The following KCNIP4 variants were observed in gnomAD, a reference collection of about 807,000 sequenced individuals.
KCNIP4 encodes the protein Kv channel-interacting protein 4.
A neutral mutation model predicts 34.0 loss-of-function variants in KCNIP4; 12 were observed. That is an observed-to-expected ratio of 0.35 (90% CI 0.23 to 0.57). KCNIP4 has a LOEUF of 0.57. Ranked by LOEUF, KCNIP4 falls within the 20% of genes least tolerant of loss-of-function variation. The pLI, the probability that KCNIP4 is intolerant of heterozygous loss-of-function variation, is 0.83. For missense variants in KCNIP4, 238 were observed against 311.7 expected (o/e 0.76, Z 1.78); for synonymous variants, 124 against 102.2 (o/e 1.21, Z -1.29).
chr4:21,715,174 G>A (rs1016046505), intron 1 of KCNIP4, among the ~76,000 whole-genome samples: 5 of 150,464 alleles, frequency 3.3e-5, no homozygotes, highest in African/African-American at 7.4e-5. Context: ...TCCGCCTCCC[G>A]GGTTCACTCC....
At chr4:20,960,130 G>A (rs1018022020) in intron 1 of KCNIP4, among the ~76,000 whole-genome samples, 2 of 152,166 alleles carry the variant, frequency 1.3e-5, no homozygotes, top group Non-Finnish European at 2.9e-5. Flanking sequence ...CAGATAGTTA[G>A]GATGAAATGA....
chr4:20,846,655 C>A (rs1720422166), intron 3 of KCNIP4, among the ~76,000 whole-genome samples: 1 of 152,120 alleles, frequency 6.6e-6, no homozygotes, highest in Non-Finnish European at 1.5e-5. Context: ...CCAACCCCTA[C>A]ACACACATAC....
rs543391357 is a variant in KCNIP4 at position 21,744,295 on chromosome 4, C to T, written c.61+204276G>A. On this transcript the variant is annotated intron_variant, in intron 1 of 8. Coordinates refer to ENST00000382152, the MANE Select transcript of KCNIP4 (RefSeq NM_025221.6). ...AACTTAGCAAAGTCACCCTCTTGCC[C>T]TTCCAGTGAAGTCCTTTGTCTCTGT... Among the ~76,000 whole-genome samples the T allele has an allele frequency of 4.4e-3, 666 of 152,254 alleles. 3 individuals carry two copies. The highest frequency in any genetic ancestry group is 0.017 in the Middle Eastern group (5 of 294).
At chr4:21,856,842 T>C (rs1028450004) in intron 1 of KCNIP4, among the ~76,000 whole-genome samples, 1 of 152,078 alleles carries the variant, frequency 6.6e-6, no homozygotes, top group Non-Finnish European at 1.5e-5. Context: ...TGAGCCTGAG[T>C]GCTGTCACAA....
At chr4:21,013,688 C>T (rs971124521) in intron 1 of KCNIP4, among the ~76,000 whole-genome samples, 3 of 152,100 alleles carry the variant, frequency 2.0e-5, no homozygotes, top group Non-Finnish European at 2.9e-5. Context: ...TAAAGAGGAA[C>T]ACTGAATAAA....
chr4:21,534,277 T>C (rs1736971742), intron 1 of KCNIP4, among the ~76,000 whole-genome samples: 1 of 152,198 alleles, frequency 6.6e-6, no homozygotes, highest in Admixed American at 6.5e-5. Context: ...ATCGATGTTG[T>C]CTTTACAGAC....
chr4:21,408,760 G>A (rs556564539), intron 1 of KCNIP4, among the ~76,000 whole-genome samples: 1 of 152,194 alleles, frequency 6.6e-6, no homozygotes, highest in Non-Finnish European at 1.5e-5. Flanking sequence ...AGGAAGCCTG[G>A]TGTGATTCTC....
chr4:21,472,359 G>A (rs992490033), intron 1 of KCNIP4, among the ~76,000 whole-genome samples: 2 of 152,036 alleles, frequency 1.3e-5, no homozygotes, highest in Non-Finnish European at 2.9e-5. Context: ...CCATGAGAGA[G>A]AGGAAAGTCT....
chr4:21,648,758 G>A (rs1305147216), intron 1 of KCNIP4, among the ~76,000 whole-genome samples: 1 of 152,072 alleles, frequency 6.6e-6, no homozygotes, highest in Non-Finnish European at 1.5e-5. Context: ...GCAAAGTAGG[G>A]TTGTTTAGAA....
At chr4:21,407,582 G>A (rs545690474) in intron 1 of KCNIP4, among the ~76,000 whole-genome samples, 2 of 152,272 alleles carry the variant, frequency 1.3e-5, no homozygotes, top group East Asian at 1.9e-4. Flanking sequence ...CACTCAGGGT[G>A]AGAGCAGCTA....
At position 21,691,455 on chromosome 4, in the gene KCNIP4, T is replaced by C. The variant is rs574238107; in HGVS notation, c.61+257116A>G. ...GCTGGAGCATACACATTACCCCTTA[T>C]TGCTCCAATATAGAGTCACTTTATC... is the stretch of plus-strand genomic sequence containing the variant. On this transcript the variant is annotated intron_variant, in intron 1 of 8. Coordinates refer to ENST00000382152, the MANE Select transcript of KCNIP4 (RefSeq NM_025221.6). 4.7e-4 allele frequency among the ~76,000 whole-genome samples: 71 copies of C among 152,276 alleles called. No homozygotes were observed. In the South Asian group the frequency reaches 7.3e-3, roughly 16 times the overall value.
At chr4:20,892,507 T>C (rs1181022854) in intron 1 of KCNIP4, among the ~76,000 whole-genome samples, 1 of 152,196 alleles carries the variant, frequency 6.6e-6, no homozygotes, top group Non-Finnish European at 1.5e-5. Flanking sequence ...CTCTGTCTCA[T>C]TGTTCTACAT....
chr4:21,463,571 A>T (rs1729660561), intron 1 of KCNIP4, among the ~76,000 whole-genome samples: 1 of 152,180 alleles, frequency 6.6e-6, no homozygotes, highest in Non-Finnish European at 1.5e-5. Flanking sequence ...ATGTTGTAGC[A>T]TGTATTCGTA....
intron 2 of KCNIP4, among the ~76,000 whole-genome samples, chr4:20,862,628 T>C (rs1722325808): frequency 6.6e-6 from 1 of 152,164 alleles, no homozygotes; most frequent in Non-Finnish European, 1.5e-5. Flanking sequence ...ATAGATTTTC[T>C]CTTAGTTGTC....
chr4:21,807,114 A>T (rs13108475), intron 1 of KCNIP4, among the ~76,000 whole-genome samples: 57,219 of 151,800 alleles, frequency 0.38, 11,891 homozygotes, highest in East Asian at 0.65. Context: ...CTTCACATGC[A>T]CAGTTCACAC....
chr4:21,179,080 G>C (rs539061673), intron 1 of KCNIP4, among the ~76,000 whole-genome samples: 1 of 152,100 alleles, frequency 6.6e-6, no homozygotes, highest in Non-Finnish European at 1.5e-5. Flanking sequence ...GCCTCCCAAA[G>C]TGCTGTGATT....
At chr4:20,832,139 GCTAT>G (rs549613779) in intron 3 of KCNIP4, among the ~76,000 whole-genome samples, 1 of 151,936 alleles carries the variant, frequency 6.6e-6, no homozygotes, top group Non-Finnish European at 1.5e-5. Context: ...CAGAAATTAT[GCTAT>G]TTACTTTCTT....
In KCNIP4 at chr4:21,426,784, T is replaced by C. The variant is rs146445339; in HGVS notation, c.61+521787A>G. 1.6e-3 allele frequency among the ~76,000 whole-genome samples: 241 copies of C among 152,280 alleles called. 1 individual carries two copies. The highest frequency in any genetic ancestry group is 5.7e-3 in the African/African-American group (235 of 41,566). On this transcript the variant is annotated intron_variant, in intron 1 of 8. Transcript: ENST00000382152. ...ACATGTAAAAAAAAAAAATTAGTTT[T>C]AAGGCTTTTAATTTTTTCTCCATTG...
At chr4:21,520,216 C>T (rs1735407271) in intron 1 of KCNIP4, among the ~76,000 whole-genome samples, 1 of 152,110 alleles carries the variant, frequency 6.6e-6, no homozygotes, top group African/African-American at 2.4e-5. Context: ...GCAACACCCT[C>T]ACACAGACAC....
Sources: allele counts gnomAD v4.1 joint callset (sites outside exome capture counted in the v4.1 genomes callset), GRCh38; gene constraint gnomAD v4.1.1; transcripts MANE v1.5; gene names NCBI Gene and HGNC (gene_info 2026-07-23, HGNC 2026-07-21).